LRP6: variants seen among roughly 807,000 people sequenced by gnomAD.
The protein encoded by LRP6 is low-density lipoprotein receptor-related protein 6.
LRP6 carries 43 observed loss-of-function variants against 184.1 expected under a neutral mutation model. The ratio of observed to expected loss-of-function variants is 0.23; its 90% CI spans 0.18 to 0.30. The LOEUF (loss-of-function observed/expected upper bound fraction) is 0.30. Among genes scored for constraint, LRP6 ranks in the 10% least tolerant of loss-of-function variants. LRP6 has a pLI of 1.00. For synonymous variants in LRP6, 719 were observed against 684.9 expected (o/e 1.05, Z -0.78); for missense variants, 1,571 against 2,005.3 (o/e 0.78, Z 4.14).
intron 5 of LRP6, among the ~76,000 whole-genome samples, chr12:12,183,525 C>A (rs2136996709): frequency 6.6e-6 from 1 of 152,244 alleles, no homozygotes; most frequent in Middle Eastern, 3.4e-3. Flanking sequence ...AAGCATCTCT[C>A]TGTTGTTAAA....
intron 1 of LRP6, among the ~76,000 whole-genome samples, chr12:12,248,492 TTTTTTTTG>T (rs1865243652): frequency 1.4e-5 from 2 of 138,744 alleles, no homozygotes; most frequent in African/African-American, 5.4e-5. Flanking sequence ...TTTTTTTTTT[TTTTTTTTG>T]AGATGGAGTC....
At chr12:12,185,984 T>C (rs1468330935) in intron 4 of LRP6, among the ~76,000 whole-genome samples, 1 of 151,930 alleles carries the variant, frequency 6.6e-6, no homozygotes, top group East Asian at 1.9e-4. Flanking sequence ...TAGCTGGGAT[T>C]ATAAGCACAC....
chr12:12,215,600 C>T (rs1318768373), intron 2 of LRP6, among the ~76,000 whole-genome samples: 1 of 151,896 alleles, frequency 6.6e-6, no homozygotes, highest in Non-Finnish European at 1.5e-5. Context: ...ATCCGCCCGC[C>T]TCGGCCTCCC....
At chr12:12,179,716 T>G in intron 7 of LRP6, 94 bp downstream of exon 7, 1 of 1,386,188 alleles carries the variant, frequency 7.2e-7, no homozygotes. Flanking sequence ...CAGACAACTG[T>G]TAAGAAAAAA....
intron 2 of LRP6, among the ~76,000 whole-genome samples, chr12:12,220,923 C>T (rs146946764): frequency 6.6e-6 from 1 of 152,172 alleles, no homozygotes; most frequent in African/African-American, 2.4e-5. Context: ...TAGATCACAA[C>T]GGCATCCCAA....
At chr12:12,157,265 A>G (rs563042064) in intron 12 of LRP6, among the ~76,000 whole-genome samples, 2 of 152,012 alleles carry the variant, frequency 1.3e-5, no homozygotes, top group African/African-American at 4.8e-5. Context: ...AGAACTCATT[A>G]ACAACTTCTG....
At chr12:12,175,639 C>T (rs994216598) in intron 7 of LRP6, among the ~76,000 whole-genome samples, 5 of 151,018 alleles carry the variant, frequency 3.3e-5, no homozygotes, top group Admixed American at 6.6e-5. Flanking sequence ...TGCAGTGAGC[C>T]GAGATCGCGC....
intron 12 of LRP6, 70 bp downstream of exon 12, chr12:12,158,759 A>G: frequency 6.8e-7 from 1 of 1,468,526 alleles, no homozygotes; most frequent in Non-Finnish European, 9.5e-7. Flanking sequence ...TAGAAAAAAC[A>G]CACACTAAAG....
chr12:12,121,075 T>C lies in LRP6; in HGVS notation c.*51A>G. ...TCCCCCCCTCCAGATCTCAACCAAA[T>C]TTATATTTACATTTTTACGTTGGAG... On this transcript the variant is annotated 3_prime_UTR_variant, in exon 23 of 23. Transcript: ENST00000261349. The C allele has an allele frequency of 6.7e-7, 1 of 1,503,196 alleles. No homozygotes were observed. Among genetic ancestry groups the C allele is most frequent in the Non-Finnish European group, 8.9e-7 (1 of 1,118,366 alleles). 93.1% of individuals were successfully genotyped at this position (1,503,196 alleles called of 1,614,324 possible). A position where few individuals can be genotyped will look rare whatever the true frequency, so the allele number is the denominator to read the frequency against.
chr12:12,182,293 G>A (rs1863362978), intron 5 of LRP6, among the ~76,000 whole-genome samples: 1 of 152,162 alleles, frequency 6.6e-6, no homozygotes, highest in Non-Finnish European at 1.5e-5. Flanking sequence ...CTTAACAACA[G>A]TATTAAAAAA....
chr12:12,203,113 A>G, intron 3 of LRP6, 90 bp downstream of exon 3: 1 of 911,846 alleles, frequency 1.1e-6, no homozygotes, highest in Non-Finnish European at 1.6e-6. Context: ...AGTCAAAAAT[A>G]AACATATTTC....
At chr12:12,167,434 G>C (rs949787879) in intron 7 of LRP6, among the ~76,000 whole-genome samples, 5 of 152,152 alleles carry the variant, frequency 3.3e-5, no homozygotes, top group Non-Finnish European at 7.4e-5. Flanking sequence ...ACGAGGTCAA[G>C]AGATGGAGAC....
chr12:12,154,626 A>T (rs917318657), intron 12 of LRP6, among the ~76,000 whole-genome samples: 3 of 152,170 alleles, frequency 2.0e-5, no homozygotes, highest in Non-Finnish European at 4.4e-5. Context: ...GCAACTCGGA[A>T]GATTGAGGTG....
chr12:12,185,031 G>A (rs548610637), intron 4 of LRP6, among the ~76,000 whole-genome samples: 3 of 152,148 alleles, frequency 2.0e-5, no homozygotes, highest in African/African-American at 4.8e-5. Context: ...ACGGTGGCTC[G>A]TGACTATAAT....
intron 7 of LRP6, among the ~76,000 whole-genome samples, chr12:12,174,055 A>C (rs184440530): frequency 6.6e-6 from 1 of 152,348 alleles, no homozygotes; most frequent in Admixed American, 6.5e-5. Context: ...CAAATGGGCA[A>C]ATATTTAGGT....
intron 2 of LRP6, among the ~76,000 whole-genome samples, chr12:12,215,271 A>G (rs894332902): frequency 1.8e-4 from 28 of 152,226 alleles, no homozygotes; most frequent in Admixed American, 1.6e-3. Flanking sequence ...AGGGAAATAA[A>G]TATCACAGGT....
chr12:12,184,208 T>C, intron 4 of LRP6, 97 bp from the exon 5 acceptor site: 1 of 997,960 alleles, frequency 1.0e-6, no homozygotes, highest in Non-Finnish European at 1.6e-6. Context: ...CCAAAATTAT[T>C]ACCAAATGTC....
At chr12:12,199,244 A>G (rs1028248155) in intron 3 of LRP6, among the ~76,000 whole-genome samples, 1 of 152,168 alleles carries the variant, frequency 6.6e-6, no homozygotes, top group African/African-American at 2.4e-5. Flanking sequence ...ACATATTATA[A>G]AAGTACGTAG....
intron 3 of LRP6, among the ~76,000 whole-genome samples, chr12:12,199,839 C>T (rs1863865800): frequency 6.6e-6 from 1 of 151,638 alleles, no homozygotes; most frequent in Admixed American, 6.6e-5. Flanking sequence ...TGGTGCGCAC[C>T]TGTAATCCCA....
Sources: gnomAD v4.1 joint callset for allele counts (sites outside exome capture counted in the v4.1 genomes callset) on GRCh38, gnomAD v4.1.1 for gene constraint, MANE v1.5 for transcripts, NCBI Gene and HGNC (gene_info 2026-07-23, HGNC 2026-07-21) for gene names.